Variants in SKAP1 observed in about 807,000 individuals in gnomAD.
The protein encoded by SKAP1 is src kinase-associated phosphoprotein 1.
SKAP1 carries 44 observed loss-of-function variants against 58.5 expected under a neutral mutation model. That is an observed-to-expected ratio of 0.75 (90% CI 0.59 to 0.97). SKAP1 has a LOEUF of 0.97. Ranked by LOEUF, SKAP1 falls within the 50% of genes least tolerant of loss-of-function variation. The pLI is 0.00. For missense variants in SKAP1, 390 were observed against 435.2 expected, an observed-to-expected ratio of 0.90 and a Z score of 0.92; for synonymous variants, 127 against 149.7, an observed-to-expected ratio of 0.85 and a Z score of 1.11.
At chr17:48,428,338 A>G (rs2067875580) in intron 1 of SKAP1, among the ~76,000 whole-genome samples, 1 of 152,220 alleles carries the variant, frequency 6.6e-6, no homozygotes, top group Non-Finnish European at 1.5e-5. Flanking sequence ...CATGCAATTA[A>G]TCTCCATTCA....
chr17:48,170,583 G>C, intron 10 of SKAP1, 26 bp downstream of exon 10: 1 of 1,600,386 alleles, frequency 6.2e-7, no homozygotes, highest in Non-Finnish European at 8.6e-7. Context: ...CCTACCCAGT[G>C]CCTGTGCATT....
At chr17:48,444,668 T>C in the SKAP1 span, among the ~76,000 whole-genome samples, 1 of 152,186 alleles carries the variant, frequency 6.6e-6, no homozygotes, top group Non-Finnish European at 1.5e-5. Context: ...AGCCCCCACT[T>C]GCACTAGTAA....
intron 4 of SKAP1, among the ~76,000 whole-genome samples, chr17:48,267,347 A>G (rs2065565124): frequency 6.6e-6 from 1 of 152,210 alleles, no homozygotes; most frequent in Admixed American, 6.5e-5. Flanking sequence ...TCAAAAAATA[A>G]TGTTGAACAA....
chr17:48,424,288 C>G (rs1001772107), intron 1 of SKAP1, among the ~76,000 whole-genome samples: 1 of 141,320 alleles, frequency 7.1e-6, no homozygotes, highest in African/African-American at 2.6e-5. Flanking sequence ...TGCAGTGGCG[C>G]GATCTCAGCT....
chr17:48,339,908 C>T (rs895072581), intron 4 of SKAP1, among the ~76,000 whole-genome samples: 17 of 152,192 alleles, frequency 1.1e-4, no homozygotes, highest in African/African-American at 4.1e-4. Flanking sequence ...AGTGGCCGGG[C>T]GCGGTGGCTC....
chr17:48,328,815 T>C (rs541208072), intron 4 of SKAP1, among the ~76,000 whole-genome samples: 9 of 152,156 alleles, frequency 5.9e-5, no homozygotes, highest in Non-Finnish European at 1.2e-4. Context: ...AACCAGCCTA[T>C]ATCTGAGCCT....
intron 11 of SKAP1, among the ~76,000 whole-genome samples, chr17:48,141,047 A>C (rs2063761050): frequency 6.6e-6 from 1 of 152,014 alleles, no homozygotes; most frequent in Non-Finnish European, 1.5e-5. Flanking sequence ...TCGGCCTCCC[A>C]AAGTACTGGG....
At chr17:48,233,825 C>T (rs1474650632) in intron 4 of SKAP1, among the ~76,000 whole-genome samples, 1 of 152,024 alleles carries the variant, frequency 6.6e-6, no homozygotes. Flanking sequence ...CATTGTACTC[C>T]AGCCTGGGTG....
At chr17:48,431,862 G>A (rs1364346975), upstream of SKAP1, among the ~76,000 whole-genome samples, 1 of 152,206 alleles carries the variant, frequency 6.6e-6, no homozygotes, top group Non-Finnish European at 1.5e-5. Context: ...GACGGGGCAA[G>A]AGCAGTAAGA....
intron 1 of SKAP1, among the ~76,000 whole-genome samples, chr17:48,428,935 A>G (rs1413834616): frequency 6.6e-6 from 1 of 152,232 alleles, no homozygotes; most frequent in Non-Finnish European, 1.5e-5. Flanking sequence ...TCTAGCTGAC[A>G]GCTTTTACAT....
At chr17:48,334,326 C>A (rs1362796226) in intron 4 of SKAP1, among the ~76,000 whole-genome samples, 2 of 151,856 alleles carry the variant, frequency 1.3e-5, no homozygotes, top group East Asian at 1.9e-4. Context: ...CTAGAATGAA[C>A]CTTTTCCCAA....
At chr17:48,369,301 G>C (rs1177703545) in intron 2 of SKAP1, among the ~76,000 whole-genome samples, 1 of 151,916 alleles carries the variant, frequency 6.6e-6, no homozygotes. Context: ...GTCCAGCCTA[G>C]ACAACATGGC....
chr17:48,315,226 G>A (rs760687355), intron 4 of SKAP1, among the ~76,000 whole-genome samples: 1 of 152,176 alleles, frequency 6.6e-6, no homozygotes, highest in African/African-American at 2.4e-5. Context: ...GGATAGAAAT[G>A]CTGGAACATT....
chr17:48,348,655 T>TA (rs1214645346), intron 3 of SKAP1, among the ~76,000 whole-genome samples: 1 of 152,220 alleles, frequency 6.6e-6, no homozygotes, highest in Admixed American at 6.5e-5. Flanking sequence ...TCCATTAATG[T>TA]ACTTTTTCTG....
At chr17:48,436,379 G>A in the SKAP1 span, among the ~76,000 whole-genome samples, 4 of 152,058 alleles carry the variant, frequency 2.6e-5, no homozygotes, top group African/African-American at 9.7e-5. Context: ...GCCAACAACT[G>A]TACCCGGCCT....
chr17:48,214,713 G>C (rs1275415414), intron 4 of SKAP1, among the ~76,000 whole-genome samples: 1 of 151,268 alleles, frequency 6.6e-6, no homozygotes, highest in African/African-American at 2.4e-5. Context: ...CTGGAGGTCA[G>C]GAGTTCGAGA....
At chr17:48,179,841 A>C (rs2064344040) in intron 9 of SKAP1, among the ~76,000 whole-genome samples, 3 of 152,226 alleles carry the variant, frequency 2.0e-5, no homozygotes, top group Admixed American at 2.0e-4. Context: ...GCATGGATAG[A>C]AGACACTCAT....
intron 1 of SKAP1, among the ~76,000 whole-genome samples, chr17:48,422,622 GCA>G (rs570540201): frequency 3.2e-4 from 48 of 152,240 alleles, no homozygotes; most frequent in African/African-American, 1.1e-3. Flanking sequence ...TAGGCAAATT[GCA>G]CACAGAGAAA....
chr17:48,178,650 A>G (rs2064324083), intron 9 of SKAP1, among the ~76,000 whole-genome samples: 1 of 152,158 alleles, frequency 6.6e-6, no homozygotes, highest in Non-Finnish European at 1.5e-5. Context: ...TAACAATCCT[A>G]TCGAATTCTG....
Sources: allele counts gnomAD v4.1 joint callset (sites outside exome capture counted in the v4.1 genomes callset), GRCh38; gene constraint gnomAD v4.1.1; transcripts MANE v1.5; gene names NCBI Gene and HGNC (gene_info 2026-07-23, HGNC 2026-07-21).